GALNT1: variants seen among roughly 807,000 people sequenced by gnomAD.
GALNT1 encodes polypeptide N-acetylgalactosaminyltransferase 1, also known as GalNAc transferase 1.
Under a neutral mutation model 65.7 loss-of-function variants are expected in GALNT1, and 17 were observed. The observed-to-expected ratio is 0.26, with a 90% CI of 0.18 to 0.39. GALNT1 has a LOEUF of 0.39. Ranked by LOEUF, GALNT1 falls within the 10% of genes least tolerant of loss-of-function variation. The pLI is 1.00. For missense variants in GALNT1, 460 were observed against 672.8 expected, an observed-to-expected ratio of 0.68 and a Z score of 3.50; for synonymous variants, 210 against 219.7, an observed-to-expected ratio of 0.96 and a Z score of 0.39.
intron 9 of GALNT1, among the ~76,000 whole-genome samples, chr18:35,692,931 A>AAT (rs1428239834): frequency 6.6e-6 from 1 of 152,180 alleles, no homozygotes; most frequent in African/African-American, 2.4e-5. Flanking sequence ...TCATTCAACA[A>AAT]ATATTTGAGT....
rs953088096 is a variant in GALNT1 at position 35,703,095 on chromosome 18, C to T, written c.1398+100C>T. The T allele has an allele frequency of 5.3e-5, 35 of 660,056 alleles. No homozygotes were observed. The Admixed American group carries it at 1.0e-3, about 19-fold the overall frequency. 40.9% of individuals were successfully genotyped at this position (660,056 alleles called of 1,614,324 possible). A position where few individuals can be genotyped will look rare whatever the true frequency, so the allele number is the denominator to read the frequency against. ...CATCATTCAGGAAATATTTTCCTTC[C>T]TTTAAAGAGAAAATAATAAAGACTT... On this transcript the variant is annotated intron_variant, in intron 10 of 11. Coordinates refer to ENST00000269195, the MANE Select transcript of GALNT1 (RefSeq NM_020474.4).
intron 1 of GALNT1, among the ~76,000 whole-genome samples, chr18:35,647,518 T>TC (rs11396738): frequency 0.23 from 34,248 of 152,164 alleles, 4,335 homozygotes; most frequent in African/African-American, 0.34. Flanking sequence ...ATCTAGGCTC[T>TC]TTTATTTGTA....
At position 35,639,428 on chromosome 18, in the gene GALNT1, A is replaced by C. The variant is rs111359896; in HGVS notation, c.-103-15132A>C. On this transcript the variant is annotated intron_variant, in intron 1 of 11. Transcript: ENST00000269195. ...ACTTTTAAAGACAATGCTGTTGCGT[A>C]CACACTGCTGTATAGTATCAACATA... Among the ~76,000 whole-genome samples the C allele has an allele frequency of 6.4e-3, 971 of 152,338 alleles. 19 individuals carry two copies. The highest frequency in any genetic ancestry group is 0.022 in the African/African-American group (922 of 41,560).
At chr18:35,706,363 A>C (rs1006834318) in intron 11 of GALNT1, among the ~76,000 whole-genome samples, 1 of 152,126 alleles carries the variant, frequency 6.6e-6, no homozygotes, top group African/African-American at 2.4e-5. Context: ...CCATACAGGC[A>C]TGGTGGCAGG....
At chr18:35,660,731 T>C (rs2047467405) in intron 2 of GALNT1, among the ~76,000 whole-genome samples, 3 of 152,218 alleles carry the variant, frequency 2.0e-5, no homozygotes, top group Admixed American at 2.0e-4. Flanking sequence ...ATATATTCAC[T>C]AACCACATGC....
rs545711521 is a variant in GALNT1 at position 35,588,801 on chromosome 18, C to T, written c.-104+6939C>T. Among the ~76,000 whole-genome samples, 13 of 151,812 alleles carry T rather than the reference C, an allele frequency of 8.6e-5. No individual in the cohort carries two copies. The East Asian group carries it at 2.1e-3, about 25-fold the overall frequency. On this transcript the variant is annotated intron_variant, in intron 1 of 11. Coordinates refer to ENST00000269195, the MANE Select transcript of GALNT1 (RefSeq NM_020474.4). ...TGTTGAGGCTTTTTGTTTATTTATT[C>T]TTAATTTGTTTCAAGCATGCTTGTA...
intron 1 of GALNT1, among the ~76,000 whole-genome samples, chr18:35,603,557 G>A (rs932558791): frequency 2.6e-5 from 4 of 152,102 alleles, no homozygotes; most frequent in South Asian, 2.1e-4. Flanking sequence ...ACACACACAC[G>A]TTAATTTATT....
chr18:35,594,890 G>A (rs116621363), intron 1 of GALNT1, among the ~76,000 whole-genome samples: 66 of 152,240 alleles, frequency 4.3e-4, no homozygotes, highest in African/African-American at 1.5e-3. Flanking sequence ...GTTGAGACTC[G>A]AGACAGAGGA....
intron 11 of GALNT1, among the ~76,000 whole-genome samples, chr18:35,706,748 A>G (rs1235676348): frequency 6.6e-6 from 1 of 152,160 alleles, no homozygotes; most frequent in Admixed American, 6.5e-5. Context: ...TTGAGTTGCA[A>G]TGCAGGTCCA....
chr18:35,604,273 T>G (rs953633239), intron 1 of GALNT1, among the ~76,000 whole-genome samples: 1 of 152,360 alleles, frequency 6.6e-6, no homozygotes, highest in East Asian at 1.9e-4. Flanking sequence ...GGCTGCGTGG[T>G]ACTCCATGGT....
At chr18:35,686,381 GA>G (rs896863432) in intron 5 of GALNT1, among the ~76,000 whole-genome samples, 3 of 151,862 alleles carry the variant, frequency 2.0e-5, no homozygotes, top group Admixed American at 1.3e-4. Flanking sequence ...ACTGTAAAAA[GA>G]AAAAAAATAG....
At chr18:35,595,818 T>C (rs1201083829) in intron 1 of GALNT1, 1 of 152,208 alleles carries the variant, frequency 6.6e-6, no homozygotes, top group Non-Finnish European at 1.5e-5. Context: ...CTTAATGTTG[T>C]AAATGGAAGT....
intron 1 of GALNT1, among the ~76,000 whole-genome samples, chr18:35,622,877 A>T (rs926521533): frequency 6.6e-6 from 1 of 151,972 alleles, no homozygotes; most frequent in Non-Finnish European, 1.5e-5. Flanking sequence ...TGTTAGGTTA[A>T]CCAAATTCTT....
chr18:35,593,752 A>G lies in GALNT1; in HGVS notation c.-104+11890A>G, dbSNP rs2046472136. Among the ~76,000 whole-genome samples, 4 of 152,054 alleles carry G rather than the reference A, an allele frequency of 2.6e-5. No individual in the cohort carries two copies. In the South Asian group the frequency reaches 8.3e-4, roughly 32 times the overall value. ...GAGATGGAATCTTGCTCTGTCACCC[A>G]GGCTGGGGTACAGTGGCGCGATCTG... On this transcript the variant is annotated intron_variant, in intron 1 of 11. Coordinates refer to ENST00000269195, the MANE Select transcript of GALNT1 (RefSeq NM_020474.4).
At chr18:35,643,621 G>A (rs752869941) in intron 1 of GALNT1, among the ~76,000 whole-genome samples, 3 of 152,030 alleles carry the variant, frequency 2.0e-5, no homozygotes, top group African/African-American at 4.8e-5. Context: ...TGAGCAGGGC[G>A]TGGTGGCAGG....
chr18:35,652,255 C>T (rs547861713), intron 1 of GALNT1, among the ~76,000 whole-genome samples: 37 of 152,238 alleles, frequency 2.4e-4, no homozygotes, highest in African/African-American at 8.2e-4. Context: ...CCAGTGGCCT[C>T]GTCCTAAGAG....
rs1304313674 is a variant in GALNT1 at position 35,689,209 on chromosome 18, C to T, written c.897C>T (p.Asp299=). The part of the protein sequence containing the change: ...PTMAGGLFSI[D]RDYFQEIGTY... ...TGGCAGGAGGCCTTTTTTCAATAGA[C>T]AGAGATTACTTTCAGGAAATTGGAA... The change falls in exon 7 of 12, where the codon GAC becomes GAT. Residue 299 remains aspartate, a synonymous_variant. Transcript: ENST00000269195. 1.9e-6 allele frequency: 3 copies of T among 1,612,446 alleles called. No homozygotes were observed. The highest frequency in any genetic ancestry group is 2.5e-6 in the Non-Finnish European group (3 of 1,179,056).
chr18:35,605,236 CG>C (rs755326372), intron 1 of GALNT1, among the ~76,000 whole-genome samples: 6 of 152,010 alleles, frequency 3.9e-5, no homozygotes, highest in Non-Finnish European at 8.8e-5. Flanking sequence ...TGACCTGGCA[CG>C]GTGGCTCACG....
At chr18:35,646,249 AG>A (rs35036296) in intron 1 of GALNT1, among the ~76,000 whole-genome samples, 2 of 152,186 alleles carry the variant, frequency 1.3e-5, no homozygotes, top group African/African-American at 4.8e-5. Flanking sequence ...GAGAACAGCA[AG>A]GGGGAAATCT....
Sources: gnomAD v4.1 joint callset for allele counts (sites outside exome capture counted in the v4.1 genomes callset) on GRCh38, gnomAD v4.1.1 for gene constraint, MANE v1.5 for transcripts, NCBI Gene and HGNC (gene_info 2026-07-23, HGNC 2026-07-21) for gene names.